Variants in SNCAIP observed in about 807,000 individuals in gnomAD.
SNCAIP encodes synphilin-1.
A neutral mutation model predicts 86.7 loss-of-function variants in SNCAIP; 43 were observed. The observed-to-expected ratio is 0.50, with a 90% CI of 0.39 to 0.64. The LOEUF (loss-of-function observed/expected upper bound fraction) is 0.64, where lower values mean the gene tolerates loss of function less well. Among genes scored for constraint, SNCAIP ranks in the 30% least tolerant of loss-of-function variants. SNCAIP has a pLI of 0.00. For missense variants in SNCAIP, 981 were observed against 1,103.1 expected (o/e 0.89, Z 1.57); for synonymous variants, 417 against 427.2 (o/e 0.98, Z 0.29).
chr5:122,323,099 T>G (rs1005947763), intron 1 of SNCAIP, among the ~76,000 whole-genome samples: 2 of 152,156 alleles, frequency 1.3e-5, no homozygotes, highest in Admixed American at 1.3e-4. Context: ...CAAGCTGTGT[T>G]TTAACCATAG....
At chr5:122,382,344 G>A (rs1299498951) in intron 1 of SNCAIP, among the ~76,000 whole-genome samples, 1 of 152,116 alleles carries the variant, frequency 6.6e-6, no homozygotes, top group Admixed American at 6.5e-5. Context: ...TGGCTCCTGA[G>A]ACTTCTGCAT....
chr5:122,400,960 C>G, intron 2 of SNCAIP: 3 of 1,530,742 alleles, frequency 2.0e-6, no homozygotes, highest in Non-Finnish European at 2.6e-6. Context: ...TAACTGCAAG[C>G]CCCCTCTTCA....
chr5:122,362,167 A>G (rs1028242953), intron 1 of SNCAIP, among the ~76,000 whole-genome samples: 4 of 152,220 alleles, frequency 2.6e-5, no homozygotes, highest in African/African-American at 9.7e-5. Context: ...TCCAGTCACT[A>G]TTCTAAGGAT....
At chr5:122,378,204 G>C (rs867434396) in intron 1 of SNCAIP, among the ~76,000 whole-genome samples, 6 of 146,400 alleles carry the variant, frequency 4.1e-5, no homozygotes, top group Middle Eastern at 6.9e-3. Context: ...AGCACCTGTC[G>C]TTTCCTGACA....
intron 1 of SNCAIP, among the ~76,000 whole-genome samples, chr5:122,334,438 G>GT (rs951222096): frequency 6.6e-6 from 1 of 152,130 alleles, no homozygotes; most frequent in Non-Finnish European, 1.5e-5. Context: ...TAAAATAGAT[G>GT]TTTTTTCAGA....
At chr5:122,413,212 T>G (rs946142318) in intron 3 of SNCAIP, among the ~76,000 whole-genome samples, 3 of 152,322 alleles carry the variant, frequency 2.0e-5, no homozygotes, top group Non-Finnish European at 4.4e-5. Flanking sequence ...AATCCCCAAA[T>G]GGGTTGGTCC....
chr5:122,385,808 C>T (rs902665650), intron 1 of SNCAIP, among the ~76,000 whole-genome samples: 1 of 151,926 alleles, frequency 6.6e-6, no homozygotes, highest in Non-Finnish European at 1.5e-5. Flanking sequence ...TACCTCATCA[C>T]CGAATGTACT....
At chr5:122,398,361 C>G (rs1771064052) in intron 2 of SNCAIP, among the ~76,000 whole-genome samples, 1 of 151,984 alleles carries the variant, frequency 6.6e-6, no homozygotes, top group Non-Finnish European at 1.5e-5. Context: ...GTGCCATGTC[C>G]CAAGGGAAGG....
intron 4 of SNCAIP, 71 bp downstream of exon 4, chr5:122,423,810 G>T: frequency 7.5e-7 from 1 of 1,333,268 alleles, no homozygotes; most frequent in Non-Finnish European, 1.0e-6. Context: ...GCATTCGTTA[G>T]TAACAGAACG....
chr5:122,419,073 G>A (rs1305674703), intron 3 of SNCAIP, among the ~76,000 whole-genome samples: 1 of 152,170 alleles, frequency 6.6e-6, no homozygotes, highest in Non-Finnish European at 1.5e-5. Context: ...GTCAAGGAAA[G>A]AGAATAGTCA....
intron 2 of SNCAIP, chr5:122,401,236 C>T: frequency 9.6e-7 from 1 of 1,040,572 alleles, no homozygotes; most frequent in Non-Finnish European, 1.3e-6. Context: ...ACAATGCATA[C>T]TTGTAAGGGA....
At position 122,422,933 on chromosome 5, in the gene SNCAIP, A is replaced by G. The variant is rs757845571; in HGVS notation, c.196A>G (p.Ile66Val). Residue 66 changes from isoleucine to valine, a missense_variant, in exon 4 of 11, where the codon ATC becomes GTC. By Grantham distance (29) the Ile-to-Val change is conservative. Coordinates refer to ENST00000261368, the MANE Select transcript of SNCAIP (RefSeq NM_005460.4). ...TACAAACACGCAAAAGCCCACAGGA[A>G]TCGCTGATGTGTACAGTAAGTTCCG... The part of the protein sequence containing the change: ...LITNTQKPTG[I>V]ADVYSKFRPV... The G allele has an allele frequency of 1.9e-6, 3 of 1,614,174 alleles. No homozygotes were observed. The Admixed American group carries it at 5.0e-5, about 27-fold the overall frequency.
chr5:122,451,194 C>A lies in SNCAIP; in HGVS notation c.2347C>A (p.Pro783Thr). The change falls in exon 10 of 11, where the codon CCT (proline) becomes ACT (threonine). Residue 783 changes from proline (P) to threonine (T), a missense_variant. By Grantham distance (38) the Pro-to-Thr change is conservative. Coordinates refer to ENST00000261368, the MANE Select transcript of SNCAIP (RefSeq NM_005460.4). ...CTCTGGTGACCCTCAGCAGCCCAGC[C>A]CTGACAGTACTGCTGCCCAGAAAGT... Reference protein sequence around the residue: ...QPSGDPQQPSPDSTAAQKVAT... With the variant: ...QPSGDPQQPSTDSTAAQKVAT... The A allele has an allele frequency of 6.2e-7, 1 of 1,614,106 alleles. No individual in the cohort carries two copies. The highest frequency in any genetic ancestry group is 8.5e-7 in the Non-Finnish European group (1 of 1,180,018).
intron 1 of SNCAIP, among the ~76,000 whole-genome samples, chr5:122,347,531 T>A (rs1758862534): frequency 6.6e-6 from 1 of 151,992 alleles, no homozygotes; most frequent in South Asian, 2.1e-4. Flanking sequence ...ATCATAAGCA[T>A]AGCCATGTAA....
chr5:122,314,335 G>T (rs1245630607), intron 1 of SNCAIP, among the ~76,000 whole-genome samples: 1 of 152,180 alleles, frequency 6.6e-6, no homozygotes, highest in African/African-American at 2.4e-5. Context: ...TGTCAAAAGA[G>T]GAAATCTCCC....
At chr5:122,452,301 T>C (rs1783859125) in intron 10 of SNCAIP, among the ~76,000 whole-genome samples, 1 of 152,194 alleles carries the variant, frequency 6.6e-6, no homozygotes, top group Admixed American at 6.5e-5. Context: ...ATGAACATCT[T>C]TTTAGGCAAT....
chr5:122,321,623 A>G (rs1752953125), intron 1 of SNCAIP: 1 of 152,248 alleles, frequency 6.6e-6, no homozygotes, highest in Non-Finnish European at 1.5e-5. Flanking sequence ...ATGGTGAATC[A>G]TTAATGAACA....
intron 3 of SNCAIP, among the ~76,000 whole-genome samples, chr5:122,406,122 G>A (rs1005859279): frequency 6.6e-6 from 1 of 152,172 alleles, no homozygotes; most frequent in Non-Finnish European, 1.5e-5. Flanking sequence ...GGAAAAATGT[G>A]TCTGCCCACA....
chr5:122,414,200 C>T (rs1034959188), intron 3 of SNCAIP, among the ~76,000 whole-genome samples: 1 of 151,926 alleles, frequency 6.6e-6, no homozygotes, highest in East Asian at 1.9e-4. Context: ...TGAGCCAGTG[C>T]GCCCAGCCAA....
Sources: allele counts gnomAD v4.1 joint callset (sites outside exome capture counted in the v4.1 genomes callset), GRCh38; gene constraint gnomAD v4.1.1; transcripts MANE v1.5; gene names NCBI Gene and HGNC (gene_info 2026-07-23, HGNC 2026-07-21).